KCNQ1OT1: variants seen among roughly 807,000 people sequenced by gnomAD.
KCNQ1OT1 encodes KCNQ1 antisense RNA 2 (non-protein coding).
chr11:2,655,710 C>G (rs1466766183), exon 1 of KCNQ1OT1: 1 of 395,982 alleles, frequency 2.5e-6, no homozygotes, highest in African/African-American at 2.1e-5. Flanking sequence ...CCATGCTCTC[C>G]TAGATGCCTG....
chr11:2,694,837 G>C (rs1041952907), exon 1 of KCNQ1OT1: 9 of 398,520 alleles, frequency 2.3e-5, no homozygotes, highest in African/African-American at 1.9e-4. Flanking sequence ...GACAGATATG[G>C]CAGGTCAGAG....
rs1286330189 is a variant in KCNQ1OT1, at chr11:2,620,365, C to A, written n.79630G>T. ...CTGAGTAGCTGGGATTAGAGGCATG[C>A]GCCACCACGTCCAGCTAATTTTGTA... On this transcript the variant is annotated non_coding_transcript_exon_variant, in exon 1 of 1. Transcript: ENST00000597346. The surrounding 1 kb of genome is among the most constrained non-coding windows in gnomAD (Gnocchi z 4.5). 3 of 205,216 alleles carry A rather than the reference C, an allele frequency of 1.5e-5. No individual in the cohort carries two copies. The highest frequency in any genetic ancestry group is 9.6e-6 in the Non-Finnish European group (1 of 104,662). 12.7% of individuals were successfully genotyped at this position (205,216 alleles called of 1,614,324 possible).
exon 1 of KCNQ1OT1, chr11:2,696,640 A>G (rs1850681225): frequency 7.5e-6 from 3 of 398,556 alleles, no homozygotes; most frequent in African/African-American, 6.2e-5. Context: ...AACTTAACAG[A>G]TTTGGAAAAT....
exon 1 of KCNQ1OT1, chr11:2,675,393 T>C (rs1366591682): frequency 5.0e-6 from 2 of 398,502 alleles, no homozygotes; most frequent in East Asian, 3.6e-5. Context: ...AACACAGATA[T>C]TGGGCAAATT....
chr11:2,641,256 A>G, exon 1 of KCNQ1OT1: 1 of 398,488 alleles, frequency 2.5e-6, no homozygotes, highest in Non-Finnish European at 4.4e-6. Context: ...TTTCTATAGT[A>G]TTAATTTACA....
chr11:2,668,153 C>T lies in KCNQ1OT1; in HGVS notation n.31842G>A. ...TCTCTATGGGGCTGAAGGGAGAGTG[C>T]TCCCTCATGCTCCTTGCTGACTGGT... On this transcript the variant is annotated non_coding_transcript_exon_variant, in exon 1 of 1. Coordinates refer to ENST00000597346, the Ensembl canonical transcript of KCNQ1OT1. The surrounding 1 kb of genome is among the most constrained non-coding windows in gnomAD (Gnocchi z 4.3). 2.5e-6 allele frequency: 1 copy of T among 398,634 alleles called. No individual in the cohort carries two copies. The highest frequency in any genetic ancestry group is 4.4e-6 in the Non-Finnish European group (1 of 226,074). 24.7% of individuals were successfully genotyped at this position (398,634 alleles called of 1,614,324 possible).
rs1411817582 is a variant in KCNQ1OT1, at chr11:2,620,823, C to G, written n.79172G>C. 2.5e-6 allele frequency: 1 copy of G among 398,474 alleles called. No homozygotes were observed. The highest frequency in any genetic ancestry group is 4.4e-5 in the Admixed American group (1 of 22,704). 24.7% of individuals were successfully genotyped at this position (398,474 alleles called of 1,614,324 possible). A position where few individuals can be genotyped will look rare whatever the true frequency, so the allele number is the denominator to read the frequency against. On this transcript the variant is annotated non_coding_transcript_exon_variant, in exon 1 of 1. Transcript: ENST00000597346. The surrounding 1 kb of genome is among the most constrained non-coding windows in gnomAD (Gnocchi z 4.5). The stretch of plus-strand genomic sequence containing the variant: ...TTCCTGCCAACAGTGTATAAGCGTT[C>G]CCTTTTCTCTGCAGCCTTCCCAGCA...
chr11:2,608,718 G>A lies in KCNQ1OT1; in HGVS notation n.91277C>T. On this transcript the variant is annotated non_coding_transcript_exon_variant, in exon 1 of 1. Transcript: ENST00000597346. This position sits in a 1 kb window ranked among gnomAD's most constrained non-coding sequence, Gnocchi z 4.6. ...GCCACAAGCAATTCTCGAACTCCTG[G>A]CCACAAGCAATTCTCCTGCCTTGGC... 2.5e-6 allele frequency: 1 copy of A among 393,928 alleles called. No homozygotes were observed. The highest frequency in any genetic ancestry group is 4.4e-6 in the Non-Finnish European group (1 of 226,018). The allele number at this position is 393,928 out of a possible 1,614,324, so 24.4% of individuals were successfully genotyped here. A position where few individuals can be genotyped will look rare whatever the true frequency, so the allele number is the denominator to read the frequency against.
At chr11:2,699,350 C>T (rs1284796943) in exon 1 of KCNQ1OT1, 4 of 398,922 alleles carry the variant, frequency 1.0e-5, no homozygotes, top group East Asian at 3.6e-5. Flanking sequence ...AGTGATCACC[C>T]GTCCCGCGCC....
At position 2,620,535 on chromosome 11, in the gene KCNQ1OT1, G is replaced by A. The variant is rs1416485462; in HGVS notation, n.79460C>T. On this transcript the variant is annotated non_coding_transcript_exon_variant, in exon 1 of 1. Transcript: ENST00000597346. The surrounding 1 kb of genome is among the most constrained non-coding windows in gnomAD (Gnocchi z 4.5). ...CTGGCCGAATTCATTCATTTTTATG[G>A]CTGCATAGTATTCCATGGTGTACAT... 2 of 393,484 alleles carry A rather than the reference G, an allele frequency of 5.1e-6. No individual in the cohort carries two copies. Among genetic ancestry groups the A allele is most frequent in the Admixed American group, 4.4e-5 (1 of 22,510 alleles). The allele number at this position is 393,484 out of a possible 1,614,324, so 24.4% of individuals were successfully genotyped here. A position where few individuals can be genotyped will look rare whatever the true frequency, so the allele number is the denominator to read the frequency against.
chr11:2,691,160 C>T lies in KCNQ1OT1; in HGVS notation n.8835G>A, dbSNP rs1850581662. 5.0e-6 allele frequency: 2 copies of T among 398,648 alleles called. No individual in the cohort carries two copies. The highest frequency in any genetic ancestry group is 7.1e-5 in the East Asian group (2 of 28,082). 24.7% of individuals were successfully genotyped at this position (398,648 alleles called of 1,614,324 possible). On this transcript the variant is annotated non_coding_transcript_exon_variant, in exon 1 of 1. Transcript: ENST00000597346. This position sits in a 1 kb window ranked among gnomAD's most constrained non-coding sequence, Gnocchi z 6.4. ...GAGTCTGTGCTGGCCTCTGGCCTCT[C>T]ACAGCCTTGGGAGGGGTGCTCAGAG... is the stretch of plus-strand genomic sequence containing the variant.
chr11:2,659,002 A>G lies in KCNQ1OT1; in HGVS notation n.40993T>C. The G allele has an allele frequency of 2.5e-6, 1 of 398,608 alleles. No homozygotes were observed. Among genetic ancestry groups the G allele is most frequent in the East Asian group, 3.6e-5 (1 of 28,082 alleles). 24.7% of individuals were successfully genotyped at this position (398,608 alleles called of 1,614,324 possible). ...AGTCAAAACAGTGTTTTTGAAAGCA[A>G]CATATGCCAGCTCCTCCTCCTCCTT... is the stretch of plus-strand genomic sequence containing the variant. On this transcript the variant is annotated non_coding_transcript_exon_variant, in exon 1 of 1. Coordinates refer to ENST00000597346, the Ensembl canonical transcript of KCNQ1OT1. The surrounding 1 kb of genome is among the most constrained non-coding windows in gnomAD (Gnocchi z 4.3).
rs1037058186 is a variant in KCNQ1OT1 at position 2,659,658 on chromosome 11, A to G, written n.40337T>C. 2.3e-5 allele frequency: 9 copies of G among 398,434 alleles called. No individual in the cohort carries two copies. Among genetic ancestry groups the G allele is most frequent in the Middle Eastern group, 6.2e-4 (1 of 1,608 alleles). The allele number at this position is 398,434 out of a possible 1,614,324, so 24.7% of individuals were successfully genotyped here. A position where few individuals can be genotyped will look rare whatever the true frequency, so the allele number is the denominator to read the frequency against. ...ATGTGGTATGTGTATGTTTAACTTA[A>G]TAAGAAATTGCTAAACTATTTCCTA... On this transcript the variant is annotated non_coding_transcript_exon_variant, in exon 1 of 1. Coordinates refer to ENST00000597346, the Ensembl canonical transcript of KCNQ1OT1. The surrounding 1 kb of genome is among the most constrained non-coding windows in gnomAD (Gnocchi z 4.3).
chr11:2,676,738 G>A lies in KCNQ1OT1; in HGVS notation n.23257C>T, dbSNP rs1328836115. 1 of 398,538 alleles carries A rather than the reference G, an allele frequency of 2.5e-6. No individual in the cohort carries two copies. The highest frequency in any genetic ancestry group is 4.4e-6 in the Non-Finnish European group (1 of 226,082). The allele number at this position is 398,538 out of a possible 1,614,324, so 24.7% of individuals were successfully genotyped here. Reference sequence around the variant, plus strand: ...CAAGTCATATGCATAGTGGCTTTGGGTACGATGGTCTGCTGTATGAAGCAA... The same window carrying A: ...CAAGTCATATGCATAGTGGCTTTGGATACGATGGTCTGCTGTATGAAGCAA... On this transcript the variant is annotated non_coding_transcript_exon_variant, in exon 1 of 1. Transcript: ENST00000597346. The surrounding 1 kb of genome is among the most constrained non-coding windows in gnomAD (Gnocchi z 4.2).
exon 1 of KCNQ1OT1, chr11:2,693,529 G>A: frequency 5.0e-6 from 2 of 398,682 alleles, no homozygotes; most frequent in Non-Finnish European, 8.8e-6. Context: ...GCTGAGGCCC[G>A]GGCTGCTAGG....
chr11:2,675,877 A>G (rs1280638155), exon 1 of KCNQ1OT1: 11 of 398,572 alleles, frequency 2.8e-5, no homozygotes, highest in Non-Finnish European at 4.0e-5. Context: ...TGGGGAGCCA[A>G]TCGTGCTTTA....
In KCNQ1OT1 at chr11:2,645,847, G is replaced by A. The variant is rs556782003; in HGVS notation, n.54148C>T. 5.0e-6 allele frequency: 2 copies of A among 398,666 alleles called. No homozygotes were observed. The highest frequency in any genetic ancestry group is 8.8e-6 in the Non-Finnish European group (2 of 226,136). 24.7% of individuals were successfully genotyped at this position (398,666 alleles called of 1,614,324 possible). On this transcript the variant is annotated non_coding_transcript_exon_variant, in exon 1 of 1. Coordinates refer to ENST00000597346, the Ensembl canonical transcript of KCNQ1OT1. This position sits in a 1 kb window ranked among gnomAD's most constrained non-coding sequence, Gnocchi z 5.8. ...CCTGAAGTTGCCTGAGGATTCAGGG[G>A]ATGTGTGAATTGCCTGAGGATTCAG...
chr11:2,616,147 G>C (rs572353787), exon 1 of KCNQ1OT1: 1 of 396,852 alleles, frequency 2.5e-6, no homozygotes, highest in African/African-American at 2.1e-5. Flanking sequence ...GTTATTCATA[G>C]TATTCTTTTA....
exon 1 of KCNQ1OT1, chr11:2,680,333 A>C: frequency 2.5e-6 from 1 of 397,858 alleles, no homozygotes. Flanking sequence ...TCAAAAAAAA[A>C]GTCTTTCCAG....
Sources: gnomAD v4.1 joint callset for allele counts on GRCh38, gnomAD v4.1.1 for gene constraint, Gnocchi (gnomAD v3.1) non-coding constraint, MANE v1.5 for transcripts, NCBI Gene and HGNC (gene_info 2026-07-23, HGNC 2026-07-21) for gene names.